PDE4D: variants seen among roughly 807,000 people sequenced by gnomAD.
PDE4D encodes the protein 3',5'-cyclic-AMP phosphodiesterase 4D.
A neutral mutation model predicts 87.4 loss-of-function variants in PDE4D; 24 were observed. That is an observed-to-expected ratio of 0.27 (90% CI 0.20 to 0.39). The LOEUF (loss-of-function observed/expected upper bound fraction) is 0.39. Among genes scored for constraint, PDE4D ranks in the 10% least tolerant of loss-of-function variants. The probability of loss-of-function intolerance (pLI) is 1.00; values close to 1 mark genes in which losing one functional copy is unlikely to be tolerated. For missense variants in PDE4D, 714 were observed against 1,041.0 expected (o/e 0.69, Z 4.32); for synonymous variants, 384 against 383.2 (o/e 1.00, Z -0.02).
intron 1 of PDE4D, among the ~76,000 whole-genome samples, chr5:60,415,015 C>T (rs1583675303): frequency 6.6e-6 from 1 of 152,222 alleles, no homozygotes; most frequent in Non-Finnish European, 1.5e-5. Flanking sequence ...GATGCCAGTA[C>T]CTTGTCACAT....
chr5:60,388,507 A>G (rs778517029), intron 1 of PDE4D, among the ~76,000 whole-genome samples: 1 of 151,792 alleles, frequency 6.6e-6, no homozygotes, highest in South Asian at 2.1e-4. Context: ...CCCTCCCCTC[A>G]CTGGTGTATA....
chr5:60,256,061 A>T (rs1749015236), intron 1 of PDE4D, among the ~76,000 whole-genome samples: 1 of 151,884 alleles, frequency 6.6e-6, no homozygotes, highest in South Asian at 2.1e-4. Flanking sequence ...TAATTTTACA[A>T]ATAAAAATCA....
chr5:59,039,024 G>A, intron 5 of PDE4D, 53 bp from the exon 6 acceptor site: 2 of 1,538,596 alleles, frequency 1.3e-6, no homozygotes, highest in Non-Finnish European at 1.8e-6. Context: ...TCACGGGTCC[G>A]CTAGCGAGTT....
chr5:60,476,536 G>T (rs1748339331), intron 1 of PDE4D, among the ~76,000 whole-genome samples: 1 of 152,150 alleles, frequency 6.6e-6, no homozygotes, highest in Non-Finnish European at 1.5e-5. Flanking sequence ...TCCACCAATG[G>T]ATTGCCATGG....
At chr5:59,411,211 C>T (rs186809354) in intron 1 of PDE4D, among the ~76,000 whole-genome samples, 26 of 152,238 alleles carry the variant, frequency 1.7e-4, no homozygotes, top group Non-Finnish European at 3.2e-4. Flanking sequence ...GCTGGTTTTG[C>T]CCTCCTCTGT....
intron 1 of PDE4D, among the ~76,000 whole-genome samples, chr5:59,283,904 C>A (rs1337003955): frequency 6.6e-6 from 1 of 152,150 alleles, no homozygotes; most frequent in African/African-American, 2.4e-5. Context: ...CACTGTTTAG[C>A]TATCGATTTG....
chr5:60,207,954 T>C (rs566990206), intron 1 of PDE4D, among the ~76,000 whole-genome samples: 1 of 152,370 alleles, frequency 6.6e-6, no homozygotes, highest in African/African-American at 2.4e-5. Context: ...GCTGTGGGTA[T>C]AAACCAGATT....
At chr5:60,254,274 T>C (rs543883106) in intron 1 of PDE4D, among the ~76,000 whole-genome samples, 1 of 152,040 alleles carries the variant, frequency 6.6e-6, no homozygotes, top group African/African-American at 2.4e-5. Context: ...CTTTCCTTCA[T>C]GGTTTCATGA....
chr5:59,818,636 G>A (rs1209532946), intron 1 of PDE4D, among the ~76,000 whole-genome samples: 4 of 152,124 alleles, frequency 2.6e-5, no homozygotes, highest in African/African-American at 7.2e-5. Context: ...TTAAGCTCAC[G>A]TGTTGTGAAC....
At chr5:60,162,202 C>T (rs528207371) in intron 2 of PDE4D, among the ~76,000 whole-genome samples, 1 of 152,152 alleles carries the variant, frequency 6.6e-6, no homozygotes, top group African/African-American at 2.4e-5. Flanking sequence ...GAGACGTTAG[C>T]AAAATAGATT....
intron 1 of PDE4D, among the ~76,000 whole-genome samples, chr5:60,191,192 C>T (rs113817917): frequency 2.0e-3 from 311 of 152,250 alleles, no homozygotes; most frequent in African/African-American, 7.2e-3. Flanking sequence ...GTACCACAAA[C>T]TCATCTACTA....
chr5:60,358,266 T>C (rs953212729), intron 1 of PDE4D, among the ~76,000 whole-genome samples: 7 of 152,168 alleles, frequency 4.6e-5, no homozygotes, highest in African/African-American at 1.7e-4. Flanking sequence ...TATATAGAGA[T>C]AGATGCTCAT....
At chr5:59,234,219 T>A (rs979672987) in intron 1 of PDE4D, among the ~76,000 whole-genome samples, 3 of 152,216 alleles carry the variant, frequency 2.0e-5, no homozygotes, top group African/African-American at 7.2e-5. Context: ...TCATCCATTT[T>A]TGTGCCACTT....
intron 1 of PDE4D, among the ~76,000 whole-genome samples, chr5:59,617,169 T>C (rs369848282): frequency 4.6e-5 from 7 of 151,822 alleles, no homozygotes; most frequent in African/African-American, 1.2e-4. Flanking sequence ...TGCTTATGGG[T>C]AAATTAGGCA....
intron 1 of PDE4D, among the ~76,000 whole-genome samples, chr5:59,512,632 T>TC (rs1350494625): frequency 6.6e-6 from 1 of 152,118 alleles, no homozygotes; most frequent in Non-Finnish European, 1.5e-5. Flanking sequence ...AGATGTAGGG[T>TC]TCATCTTTAT....
At chr5:60,490,787 T>C (rs749529538), upstream of PDE4D, 17 of 152,252 alleles carry the variant, frequency 1.1e-4, no homozygotes, top group Admixed American at 2.0e-4. Flanking sequence ...TGAACCTTTT[T>C]CTGAACCAAG....
At chr5:59,566,988 C>T (rs1382820126) in intron 1 of PDE4D, among the ~76,000 whole-genome samples, 1 of 152,128 alleles carries the variant, frequency 6.6e-6, no homozygotes, top group Non-Finnish European at 1.5e-5. Flanking sequence ...GGGGAAATGA[C>T]TGTGTTCTTG....
intron 3 of PDE4D, among the ~76,000 whole-genome samples, chr5:59,974,564 G>A (rs969239315): frequency 6.6e-6 from 1 of 152,104 alleles, no homozygotes; most frequent in Admixed American, 6.6e-5. Flanking sequence ...CACCATTGCA[G>A]ACCTACTTAC....
At chr5:59,910,734 T>G (rs1230266567) in intron 3 of PDE4D, among the ~76,000 whole-genome samples, 1 of 152,184 alleles carries the variant, frequency 6.6e-6, no homozygotes, top group Non-Finnish European at 1.5e-5. Context: ...CACCAGACAC[T>G]AGATCCTTGA....
Sources: allele counts gnomAD v4.1 joint callset (sites outside exome capture counted in the v4.1 genomes callset), GRCh38; gene constraint gnomAD v4.1.1; transcripts MANE v1.5; gene names NCBI Gene and HGNC (gene_info 2026-07-23, HGNC 2026-07-21).